SLC15A1: variants seen among roughly 807,000 people sequenced by gnomAD.
SLC15A1 encodes the protein solute carrier family 15 member 1, also known as Caco-2 oligopeptide transporter.
In SLC15A1, 83 loss-of-function variants were observed where a neutral mutation model predicts 92.9. The ratio of observed to expected loss-of-function variants is 0.89; its 90% CI spans 0.75 to 1.07. The LOEUF (loss-of-function observed/expected upper bound fraction) is 1.07. SLC15A1 is among the 50% of genes least tolerant of loss of function. The pLI is 0.00. For synonymous variants in SLC15A1, 322 were observed against 318.2 expected, an observed-to-expected ratio of 1.01 and a Z score of -0.13; for missense variants, 857 against 880.1, an observed-to-expected ratio of 0.97 and a Z score of 0.33.
At chr13:98,710,041 A>G (rs1292422834) in intron 11 of SLC15A1, 130 bp from the exon 12 acceptor site, 3 of 817,062 alleles carry the variant, frequency 3.7e-6, no homozygotes, top group Non-Finnish European at 4.0e-6. Context: ...TGTTTTAAAC[A>G]TCAAGTTAAT....
Position 98,709,881 on chromosome 13 carries a change from T to G in SLC15A1, c.931A>C (p.Met311Leu). Residue 311 changes from methionine to leucine, a missense_variant, in exon 12 of 23, where the codon ATG (methionine) becomes CTG (leucine). Physicochemically the swap from Met to Leu is conservative, Grantham distance 15. Coordinates refer to ENST00000376503, the MANE Select transcript of SLC15A1 (RefSeq NM_005073.4). ...GTCAAACTTACGATTTTCCCGGACA[T>G]AGTTGTTGCCTGCAGTGTCCACCTG... The part of the protein sequence containing the change: ...GSRWTLQATT[M>L]SGKIGALEIQ... 6.2e-7 allele frequency: 1 copy of G among 1,614,196 alleles called. No individual in the cohort carries two copies. The highest frequency in any genetic ancestry group is 8.5e-7 in the Non-Finnish European group (1 of 1,180,028).
At chr13:98,724,719 T>C (rs985599223) in intron 4 of SLC15A1, among the ~76,000 whole-genome samples, 5 of 152,162 alleles carry the variant, frequency 3.3e-5, no homozygotes, top group African/African-American at 1.2e-4. Context: ...GTGATCCACC[T>C]GCCTTGGCCT....
chr13:98,743,439 A>C (rs2088465400), intron 1 of SLC15A1, among the ~76,000 whole-genome samples: 1 of 152,194 alleles, frequency 6.6e-6, no homozygotes, highest in Non-Finnish European at 1.5e-5. Flanking sequence ...TTTGAACGCC[A>C]TTCCTGTCCT....
intron 17 of SLC15A1, among the ~76,000 whole-genome samples, chr13:98,703,686 A>T (rs2088088921): frequency 6.6e-6 from 1 of 151,230 alleles, no homozygotes; most frequent in African/African-American, 2.4e-5. Context: ...CCACCCAAGT[A>T]GCTGGGACGA....
chr13:98,714,059 G>GAAAAA (rs56096468), intron 9 of SLC15A1, among the ~76,000 whole-genome samples: 2 of 134,454 alleles, frequency 1.5e-5, no homozygotes, highest in Non-Finnish European at 3.2e-5. Context: ...TCTCAAAAAG[G>GAAAAA]AAAAAAAAAA....
intron 18 of SLC15A1, among the ~76,000 whole-genome samples, chr13:98,695,045 A>C (rs2088011090): frequency 6.7e-6 from 1 of 149,360 alleles, no homozygotes; most frequent in Non-Finnish European, 1.5e-5. Context: ...AAAAAAAGAG[A>C]TGCATATATC....
intron 1 of SLC15A1, among the ~76,000 whole-genome samples, chr13:98,732,509 C>T (rs759758251): frequency 2.3e-4 from 35 of 152,130 alleles, no homozygotes; most frequent in Non-Finnish European, 3.7e-4. Flanking sequence ...TCCCCTCTTC[C>T]GCACGACTCA....
In SLC15A1 at chr13:98,712,585, CTGAA is replaced by C; in HGVS notation, c.724-5_724-2del. On this transcript the variant is annotated splice_acceptor_variant and splice_polypyrimidine_tract_variant and intron_variant, in intron 9 of 22. Coordinates refer to ENST00000376503, the MANE Select transcript of SLC15A1 (RefSeq NM_005073.4). LOFTEE classifies it high-confidence loss of function. ...GCCTAAATCTATTTTTGATGGCAAA[CTGAA>C]GGAAGGAAGAAAAATCGAATTTCAA... is the stretch of plus-strand genomic sequence containing the variant. 6.2e-7 allele frequency: 1 copy of C among 1,604,002 alleles called. No homozygotes were observed. The highest frequency in any genetic ancestry group is 8.5e-7 in the Non-Finnish European group (1 of 1,175,888).
At chr13:98,704,606 C>A (rs1208765248) in intron 16 of SLC15A1, among the ~76,000 whole-genome samples, 171 bp from the exon 17 acceptor site, 2 of 152,102 alleles carry the variant, frequency 1.3e-5, no homozygotes, top group African/African-American at 4.8e-5. Context: ...TCCCACCCAC[C>A]CTTACAGACA....
intron 18 of SLC15A1, among the ~76,000 whole-genome samples, chr13:98,699,511 T>A (rs1335455231): frequency 1.3e-5 from 2 of 152,228 alleles, no homozygotes; most frequent in African/African-American, 4.8e-5. Context: ...TGTTTATGCA[T>A]CCTCCATTGA....
intron 18 of SLC15A1, among the ~76,000 whole-genome samples, chr13:98,696,906 CA>C (rs1227126870): frequency 6.6e-6 from 1 of 152,070 alleles, no homozygotes; most frequent in Non-Finnish European, 1.5e-5. Flanking sequence ...ATGATTAGGA[CA>C]CAGCCACACA....
intron 21 of SLC15A1, among the ~76,000 whole-genome samples, chr13:98,687,376 C>T (rs1270915939): frequency 6.6e-6 from 1 of 152,160 alleles, no homozygotes; most frequent in Non-Finnish European, 1.5e-5. Context: ...TGAACACGTG[C>T]TCTTGCAAAG....
intron 18 of SLC15A1, among the ~76,000 whole-genome samples, chr13:98,691,463 A>G (rs1305318708): frequency 6.6e-6 from 1 of 152,240 alleles, no homozygotes; most frequent in Admixed American, 6.5e-5. Context: ...ACATGCATGC[A>G]CAAGTTTTTG....
At position 98,688,522 on chromosome 13, in the gene SLC15A1, C is replaced by T; in HGVS notation, c.1522G>A (p.Ala508Thr). 6.2e-7 allele frequency: 1 copy of T among 1,614,052 alleles called. No homozygotes were observed. Among genetic ancestry groups the T allele is most frequent in the South Asian group, 1.1e-5 (1 of 91,084 alleles). Residue 508 changes from alanine to threonine, a missense_variant, in exon 19 of 23, where the codon GCA (alanine) becomes ACA (threonine). Coordinates refer to ENST00000376503, the MANE Select transcript of SLC15A1 (RefSeq NM_005073.4). Reference protein sequence around the residue: ...ITITMSGKVYANISSYNASTY... With the variant: ...ITITMSGKVYTNISSYNASTY... ...CTGGCATTGTAGCTGCTGATGTTTG[C>T]ATAAACTTTCCCACTCATTGTGATG...
chr13:98,702,342 A>C, intron 18 of SLC15A1, 138 bp downstream of exon 18: 1 of 686,296 alleles, frequency 1.5e-6, no homozygotes, highest in Admixed American at 2.6e-5. Flanking sequence ...TTTTTGGGGA[A>C]TATTCAGCCA....
At chr13:98,730,519 C>T (rs1428838043) in intron 1 of SLC15A1, among the ~76,000 whole-genome samples, 2 of 152,166 alleles carry the variant, frequency 1.3e-5, no homozygotes, top group South Asian at 2.1e-4. Context: ...GTCAGCCCTG[C>T]GGCCGAGTTT....
At chr13:98,721,307 A>C in intron 7 of SLC15A1, 188 bp downstream of exon 7, 1 of 702,464 alleles carries the variant, frequency 1.4e-6, no homozygotes. Context: ...TAAGGGATTT[A>C]AATAAGACAA....
At chr13:98,750,150 T>C (rs2088530990) in intron 1 of SLC15A1, among the ~76,000 whole-genome samples, 1 of 152,054 alleles carries the variant, frequency 6.6e-6, no homozygotes, top group Admixed American at 6.5e-5. Flanking sequence ...TTCACTCTTG[T>C]CGTCCAGGCT....
rs74484847 is a variant in SLC15A1, at chr13:98,734,409, G to A, written c.5-7550C>T. On this transcript the variant is annotated intron_variant, in intron 1 of 22. Transcript: ENST00000376503. Reference sequence around the variant, plus strand: ...CTGCATTTCCAACTGAGATGAACCTGGTTCATCTCACTGGGACTGGTTGGA... The same window carrying A: ...CTGCATTTCCAACTGAGATGAACCTAGTTCATCTCACTGGGACTGGTTGGA... Among the ~76,000 whole-genome samples the A allele has an allele frequency of 2.3e-3, 350 of 152,258 alleles. 5 individuals carry two copies. The highest frequency in any genetic ancestry group is 7.9e-3 in the African/African-American group (327 of 41,556).
Sources: allele counts gnomAD v4.1 joint callset (sites outside exome capture counted in the v4.1 genomes callset), GRCh38; gene constraint gnomAD v4.1.1; transcripts MANE v1.5; gene names NCBI Gene and HGNC (gene_info 2026-07-23, HGNC 2026-07-21).